POLRMT: variants seen among roughly 807,000 people sequenced by gnomAD.
POLRMT encodes the protein RNA polymerase mitochondrial.
Under a neutral mutation model 132.2 loss-of-function variants are expected in POLRMT, and 114 were observed. The ratio of observed to expected loss-of-function variants is 0.86; its 90% CI spans 0.74 to 1.01. The LOEUF is 1.01. Ranked by LOEUF, POLRMT falls within the 50% of genes least tolerant of loss-of-function variation. The pLI, the probability that POLRMT is intolerant of heterozygous loss-of-function variation, is 0.00. For missense variants in POLRMT, 2,003 were observed against 1,729.1 expected (o/e 1.16, Z -2.81); for synonymous variants, 1,020 against 773.4 (o/e 1.32, Z -5.29).
At chr19:620,720 G>A (rs1005112145) in intron 10 of POLRMT, among the ~76,000 whole-genome samples, 15 of 147,444 alleles carry the variant, frequency 1.0e-4, no homozygotes, top group African/African-American at 2.5e-4. Context: ...CGGAGCTGCC[G>A]GGGGAGGAGG....
intron 15 of POLRMT, 73 bp from the exon 16 acceptor site, chr19:618,833 A>T: frequency 1.3e-6 from 2 of 1,504,430 alleles, no homozygotes; most frequent in Non-Finnish European, 1.8e-6. Context: ...GTGGTGGTAC[A>T]CTGGGGTAGT....
In POLRMT at chr19:621,004, GGGGAGGGCGCGGGGGTGCC is replaced by G. The variant is rs1984521924; in HGVS notation, c.2640+35_2640+53del. The G allele has an allele frequency of 3.1e-5, 29 of 936,744 alleles. 4 individuals carry two copies. Among genetic ancestry groups the G allele is most frequent in the Middle Eastern group, 4.7e-4 (1 of 2,118 alleles). 58.0% of individuals were successfully genotyped at this position (936,744 alleles called of 1,614,324 possible). A position where few individuals can be genotyped will look rare whatever the true frequency, so the allele number is the denominator to read the frequency against. On this transcript the variant is annotated intron_variant, in intron 10 of 20. Coordinates refer to ENST00000588649, the MANE Select transcript of POLRMT (RefSeq NM_005035.4). ...GCCGGGGGAGGGCGCGGGGGCGCCG[GGGGAGGGCGCGGGGGTGCC>G]GGGAGGGCGGGGAATGCGGGGGCCC...
At chr19:627,828 G>A (rs1165099485) in intron 3 of POLRMT, among the ~76,000 whole-genome samples, 1 of 151,336 alleles carries the variant, frequency 6.6e-6, no homozygotes, top group Non-Finnish European at 1.5e-5. Flanking sequence ...AGGAGGCTGC[G>A]GCAGGGAGAA....
intron 3 of POLRMT, among the ~76,000 whole-genome samples, chr19:627,785 C>T (rs1985128400): frequency 1.3e-5 from 2 of 151,598 alleles, no homozygotes; most frequent in Admixed American, 6.6e-5. Context: ...ATTGGCCGGG[C>T]GTGGTGGTGA....
rs1051539591 is a variant in POLRMT at position 622,364 on chromosome 19, G to A, written c.1636C>T (p.Pro546Ser). Residue 546 changes from proline (P) to serine (S), a missense_variant, in exon 9 of 21, where the codon CCC becomes TCC. Physicochemically the swap from Pro to Ser is moderately conservative, Grantham distance 74 (BLOSUM62 -1). Transcript: ENST00000588649. ...TCCCAGTACTGCCGCGGCAGGCAGGGCTCGGGCACCTGTAGGACAGGGCGG... is the reference window on the plus strand; with the variant it reads ...TCCCAGTACTGCCGCGGCAGGCAGGACTCGGGCACCTGTAGGACAGGGCGG... ...LLASDAEVPE[P>S]CLPRQYWEEL... 21 of 1,550,014 alleles carry A rather than the reference G, an allele frequency of 1.4e-5. No individual in the cohort carries two copies. In the African/African-American group the frequency reaches 1.4e-4, roughly 10 times the overall value.
chr19:621,283 G>C lies in POLRMT; in HGVS notation c.2415C>G (p.Arg805=). 1 of 1,605,120 alleles carries C rather than the reference G, an allele frequency of 6.2e-7. No individual in the cohort carries two copies. The highest frequency in any genetic ancestry group is 1.3e-5 in the African/African-American group (1 of 74,826). The change falls in exon 10 of 21, where the codon CGC becomes CGG. Residue 805 remains arginine, a synonymous_variant. Transcript: ENST00000588649. The part of the protein sequence containing the change: ...WLPHNMDFRG[R]TYPCPPHFNH... ...TGAAGTGCGGCGGGCAGGGGTAGGT[G>C]CGGCCGCGGAAGTCCATGTTGTGCG...
At position 618,589 on chromosome 19, in the gene POLRMT, G is replaced by T; in HGVS notation, c.3324-3C>A. On this transcript the variant is annotated splice_region_variant and splice_polypyrimidine_tract_variant and intron_variant, in intron 16 of 20. Transcript: ENST00000588649. ...TCTGCTTACGTGTGTTGGGCTTTCT[G>T]AGGACGGAACAGGTGCCGGTGGGGG... 1 of 1,611,090 alleles carries T rather than the reference G, an allele frequency of 6.2e-7. No individual in the cohort carries two copies.
At chr19:618,837 G>C (rs952667302) in intron 15 of POLRMT, 77 bp from the exon 16 acceptor site, 8 of 1,489,150 alleles carry the variant, frequency 5.4e-6, no homozygotes, top group African/African-American at 1.4e-5. Context: ...TGGTACACTG[G>C]GGTAGTGGCA....
intron 2 of POLRMT, 79 bp downstream of exon 2, chr19:632,755 G>C: frequency 7.8e-7 from 1 of 1,279,648 alleles, no homozygotes; most frequent in Non-Finnish European, 1.1e-6. Context: ...GCCTGTCTCA[G>C]AATCTGAGCC....
In POLRMT at chr19:623,465, C is replaced by T; in HGVS notation, c.1279G>A (p.Val427Ile). The T allele has an allele frequency of 1.2e-6, 2 of 1,612,006 alleles. No homozygotes were observed. The highest frequency in any genetic ancestry group is 1.7e-6 in the Non-Finnish European group (2 of 1,179,924). ...GGCTCAGCCCCTACCGCGTGCTTGA[C>T]CTCCTTGCTTGGCAACGTGGGCTTC... ...VEKPTLPSKE[V>I]KHARKTLKTL... The change falls in exon 6 of 21, where the codon GTC (valine) becomes ATC (isoleucine). Residue 427 changes from valine (V) to isoleucine (I), a missense_variant. Physicochemically the swap from Val to Ile is conservative, Grantham distance 29 (BLOSUM62 3). Coordinates refer to ENST00000588649, the MANE Select transcript of POLRMT (RefSeq NM_005035.4).
chr19:631,778 G>A (rs1428172733), intron 2 of POLRMT, among the ~76,000 whole-genome samples: 1 of 152,100 alleles, frequency 6.6e-6, no homozygotes, highest in East Asian at 1.9e-4. Flanking sequence ...AATTTCCCTC[G>A]TTGCCCAGGC....
chr19:632,787 A>G, intron 2 of POLRMT, 47 bp downstream of exon 2: 1 of 1,442,768 alleles, frequency 6.9e-7, no homozygotes, highest in Non-Finnish European at 9.3e-7. Context: ...TCCCGGCAGC[A>G]GGGAGCGGAC....
Position 620,002 on chromosome 19 carries a change from G to C in POLRMT, c.2842C>G (p.Pro948Ala), listed in dbSNP as rs763527913. 1 of 1,591,498 alleles carries C rather than the reference G, an allele frequency of 6.3e-7. No individual in the cohort carries two copies. The highest frequency in any genetic ancestry group is 2.3e-5 in the East Asian group (1 of 44,242). Residue 948 changes from proline (P) to alanine (A), a missense_variant, in exon 12 of 21, where the codon CCC (proline) becomes GCC (alanine). Coordinates refer to ENST00000588649, the MANE Select transcript of POLRMT (RefSeq NM_005035.4). Reference sequence around the variant, plus strand: ...TACACGTCCTGCGGCACATCCGAGGGCTCCAGGTTGACGGAGGCGGCGCCC... The same window carrying C: ...TACACGTCCTGCGGCACATCCGAGGCCTCCAGGTTGACGGAGGCGGCGCCC... ...SVGAASVNLE[P>A]SDVPQDVYSG...
intron 18 of POLRMT, 50 bp downstream of exon 18, chr19:617,727 G>A (rs1600550819): frequency 6.2e-7 from 1 of 1,611,292 alleles, no homozygotes; most frequent in East Asian, 2.2e-5. Context: ...CAACGCCCCA[G>A]TGTGGGGGCC....
rs1335564881 is a variant in POLRMT, at chr19:619,704, C to T, written c.2948G>A (p.Gly983Asp). The part of the protein sequence containing the change: ...RGMRVAQVLE[G>D]FITRKVVKQT... Reference sequence around the variant, plus strand: ...CTTCACCACCTTGCGGGTGATGAAACCTTCCAGCACCTGTGCCACCCGCAT... The same window carrying T: ...CTTCACCACCTTGCGGGTGATGAAATCTTCCAGCACCTGTGCCACCCGCAT... Residue 983 changes from glycine (G) to aspartate (D), a missense_variant, in exon 13 of 21, where the codon GGT (glycine) becomes GAT (aspartate). Transcript: ENST00000588649. 3 of 1,607,108 alleles carry T rather than the reference C, an allele frequency of 1.9e-6. No individual in the cohort carries two copies. Among genetic ancestry groups the T allele is most frequent in the African/African-American group, 1.3e-5 (1 of 74,756 alleles).
rs191116608 is a variant in POLRMT, at chr19:632,212, G to A, written c.193+622C>T. 1.9e-3 allele frequency among the ~76,000 whole-genome samples: 288 copies of A among 152,294 alleles called. 2 individuals carry two copies. Among genetic ancestry groups the A allele is most frequent in the South Asian group, 0.015 (71 of 4,830 alleles). On this transcript the variant is annotated intron_variant, in intron 2 of 20. Coordinates refer to ENST00000588649, the MANE Select transcript of POLRMT (RefSeq NM_005035.4). ...GCCACCCAAAAGTGCTGGGATTACA[G>A]GCGTGAGCCACCGCACCTGGCCAGG...
At chr19:626,340 G>C (rs1043332986) in intron 3 of POLRMT, among the ~76,000 whole-genome samples, 6 of 150,826 alleles carry the variant, frequency 4.0e-5, no homozygotes, top group African/African-American at 1.5e-4. Context: ...TTTTAGTAGA[G>C]ATGGGGTTTC....
intron 2 of POLRMT, among the ~76,000 whole-genome samples, chr19:632,246 C>G (rs553228507): frequency 6.6e-6 from 1 of 152,160 alleles, no homozygotes; most frequent in Admixed American, 6.5e-5. Context: ...GGTTTTTTCC[C>G]TTTATAAAGG....
Position 624,872 on chromosome 19 carries a change from C to T in POLRMT, c.987G>A (p.Lys329=). ...CLEQMSQEGL[K]LQALFTAVLL... ...GAACGGCGGTGAAGAGTGCCTGCAG[C>T]TTCAGCCCCTCCTGGCTCATCTGTT... The change falls in exon 5 of 21, where the codon AAG becomes AAA. Residue 329 remains lysine (K), a synonymous_variant. Transcript: ENST00000588649. 2 of 1,612,766 alleles carry T rather than the reference C, an allele frequency of 1.2e-6. No homozygotes were observed. Among genetic ancestry groups the T allele is most frequent in the Admixed American group, 1.7e-5 (1 of 59,992 alleles).
Sources: gnomAD v4.1 joint callset for allele counts (sites outside exome capture counted in the v4.1 genomes callset) on GRCh38, gnomAD v4.1.1 for gene constraint, MANE v1.5 for transcripts, NCBI Gene and HGNC (gene_info 2026-07-23, HGNC 2026-07-21) for gene names.